Variants in CHRNA7 observed in about 807,000 individuals in gnomAD.
CHRNA7 encodes cholinergic receptor nicotinic alpha 7 subunit, also known as neuronal acetylcholine receptor subunit alpha-7.
A neutral mutation model predicts 48.0 loss-of-function variants in CHRNA7; 17 were observed. The ratio of observed to expected loss-of-function variants is 0.35; its 90% CI spans 0.24 to 0.53. The LOEUF (loss-of-function observed/expected upper bound fraction) is 0.53. Among genes scored for constraint, CHRNA7 ranks in the 20% least tolerant of loss-of-function variants. The pLI, the probability that CHRNA7 is intolerant of heterozygous loss-of-function variation, is 0.92. For missense variants in CHRNA7, 155 were observed against 577.7 expected, an observed-to-expected ratio of 0.27 and a Z score of 7.50; for synonymous variants, 75 against 242.3, an observed-to-expected ratio of 0.31 and a Z score of 6.41.
At chr15:32,107,172 C>G (rs1034661681) in intron 3 of CHRNA7, among the ~76,000 whole-genome samples, 4 of 152,174 alleles carry the variant, frequency 2.6e-5, no homozygotes, top group Non-Finnish European at 5.9e-5. Flanking sequence ...AACCAATTTT[C>G]CACCAGCAAC....
chr15:32,060,934 G>A (rs1437038307), intron 2 of CHRNA7, among the ~76,000 whole-genome samples: 1 of 152,214 alleles, frequency 6.6e-6, no homozygotes, highest in Admixed American at 6.5e-5. Context: ...GCCACAGGAT[G>A]AGCACACCCA....
chr15:32,035,027 G>A (rs949595019), intron 2 of CHRNA7, among the ~76,000 whole-genome samples: 9 of 152,160 alleles, frequency 5.9e-5, no homozygotes, highest in African/African-American at 2.2e-4. Context: ...AGATGTTTTG[G>A]ATATATTGTC....
rs59815429 is a variant in CHRNA7 at position 32,120,074 on chromosome 15, A to C, written c.350+8175A>C. Among the ~76,000 whole-genome samples the C allele has an allele frequency of 7.3e-3, 1,109 of 152,256 alleles. 13 individuals carry two copies. The highest frequency in any genetic ancestry group is 0.025 in the African/African-American group (1,053 of 41,546). On this transcript the variant is annotated intron_variant, in intron 4 of 9. Transcript: ENST00000306901. ...AGTGCCAGCAGATGATAGCCAGGAAATTGTGGCTTTATGCCTTCTTTCTGG... is the reference window on the plus strand; with the variant it reads ...AGTGCCAGCAGATGATAGCCAGGAACTTGTGGCTTTATGCCTTCTTTCTGG...
intron 4 of CHRNA7, among the ~76,000 whole-genome samples, chr15:32,148,129 A>G (rs992767433): frequency 6.6e-6 from 1 of 152,120 alleles, no homozygotes; most frequent in Non-Finnish European, 1.5e-5. Context: ...ATGAGACCTT[A>G]CTATTTAGGG....
intron 2 of CHRNA7, among the ~76,000 whole-genome samples, chr15:32,074,715 C>T (rs1179807656): frequency 6.6e-6 from 1 of 151,480 alleles, no homozygotes; most frequent in Admixed American, 6.6e-5. Context: ...AGTGCAGTGG[C>T]ATGATCTCGG....
chr15:32,152,680 T>C (rs1325012230), intron 4 of CHRNA7, among the ~76,000 whole-genome samples: 2 of 152,148 alleles, frequency 1.3e-5, no homozygotes, highest in Non-Finnish European at 2.9e-5. Context: ...CCTGCAGTGA[T>C]GAGAGCAGGA....
intron 3 of CHRNA7, among the ~76,000 whole-genome samples, chr15:32,108,291 G>A (rs1330279447): frequency 4.6e-5 from 7 of 152,144 alleles, no homozygotes; most frequent in Admixed American, 3.9e-4. Context: ...CTCTTCTTTT[G>A]AAGATTTAAT....
At position 32,137,037 on chromosome 15, in the gene CHRNA7, AAAAAAAAAAG is replaced by A. The variant is rs1388346960; in HGVS notation, c.351-16860_351-16851del. Among the ~76,000 whole-genome samples the A allele has an allele frequency of 4.1e-5, 6 of 146,672 alleles. No individual in the cohort carries two copies. The East Asian group carries it at 9.8e-4, about 24-fold the overall frequency. On this transcript the variant is annotated intron_variant, in intron 4 of 9. Transcript: ENST00000306901. Reference sequence around the variant, plus strand: ...ACAGAGCGAGACTCCGTCTCAAAAAAAAAAAAAAAGAAAAAAAAAAGAAAACAGGAGAAAC... The same window carrying A: ...ACAGAGCGAGACTCCGTCTCAAAAAAAAAAAAAAAAGAAAACAGGAGAAAC...
At chr15:32,038,084 GTACA>G (rs1244396525) in intron 2 of CHRNA7, among the ~76,000 whole-genome samples, 46 of 138,128 alleles carry the variant, frequency 3.3e-4, no homozygotes, top group Middle Eastern at 4.0e-3. Flanking sequence ...ATATACATAT[GTACA>G]TACATTTTGT....
At chr15:32,133,411 C>T (rs1343294945) in intron 4 of CHRNA7, among the ~76,000 whole-genome samples, 1 of 152,130 alleles carries the variant, frequency 6.6e-6, no homozygotes, top group Non-Finnish European at 1.5e-5. Context: ...CCCGTGGAGC[C>T]CAGCTCTCTC....
chr15:32,088,418 A>G (rs1458387003), intron 2 of CHRNA7, among the ~76,000 whole-genome samples: 2 of 152,194 alleles, frequency 1.3e-5, no homozygotes, highest in Non-Finnish European at 2.9e-5. Context: ...TTCTGTAGAT[A>G]TGTGTTTTTG....
At chr15:32,109,220 C>T (rs1002160324) in intron 3 of CHRNA7, among the ~76,000 whole-genome samples, 19 of 152,142 alleles carry the variant, frequency 1.2e-4, no homozygotes, top group African/African-American at 4.3e-4. Flanking sequence ...CTTTTTTAGA[C>T]CATGTAAGGT....
intron 4 of CHRNA7, among the ~76,000 whole-genome samples, chr15:32,124,272 C>A (rs376898269): frequency 2.0e-5 from 3 of 151,944 alleles, no homozygotes; most frequent in Non-Finnish European, 4.4e-5. Context: ...AGATGAAAGA[C>A]AAAATACGTA....
In CHRNA7 at chr15:32,111,999, T is replaced by C. The variant is rs189690056; in HGVS notation, c.350+100T>C. ...TCACAGAGATGCTGGATATGTTATC[T>C]ATGATCTGGGGCCACTGCTCCCTAC... On this transcript the variant is annotated intron_variant, in intron 4 of 9. Coordinates refer to ENST00000306901, the MANE Select transcript of CHRNA7 (RefSeq NM_000746.6). The C allele has an allele frequency of 1.8e-3, 1,501 of 826,588 alleles. 15 individuals are homozygous for C. The highest frequency in any genetic ancestry group is 5.1e-4 in the Non-Finnish European group (247 of 484,070). 51.2% of individuals were successfully genotyped at this position (826,588 alleles called of 1,614,324 possible).
chr15:32,092,121 G>A (rs2050393815), intron 2 of CHRNA7, among the ~76,000 whole-genome samples: 1 of 152,136 alleles, frequency 6.6e-6, no homozygotes, highest in African/African-American at 2.4e-5. Context: ...TGTTTGCTCT[G>A]CAGACACTGT....
At chr15:32,113,989 C>T (rs903487858) in intron 4 of CHRNA7, among the ~76,000 whole-genome samples, 1 of 142,402 alleles carries the variant, frequency 7.0e-6, no homozygotes, top group African/African-American at 2.6e-5. Flanking sequence ...TGCTTGCCAT[C>T]CTGGGTGACA....
chr15:32,092,978 TG>T (rs1225600190), intron 2 of CHRNA7, among the ~76,000 whole-genome samples: 1 of 152,244 alleles, frequency 6.6e-6, no homozygotes. Context: ...AAGGCATTTG[TG>T]GGAGTCTGGC....
At chr15:32,115,611 C>T (rs893815042) in intron 4 of CHRNA7, among the ~76,000 whole-genome samples, 2 of 152,068 alleles carry the variant, frequency 1.3e-5, no homozygotes, top group African/African-American at 2.4e-5. Context: ...GGAATGCCCA[C>T]CCCTTAACTC....
intron 6 of CHRNA7, 131 bp from the exon 7 acceptor site, chr15:32,158,281 A>ACCC (rs1207722520): frequency 4.1e-6 from 3 of 730,338 alleles, no homozygotes; most frequent in South Asian, 2.4e-5. Flanking sequence ...GCTAATTACA[A>ACCC]CCCCCCCCTT....
Sources: allele counts gnomAD v4.1 joint callset (sites outside exome capture counted in the v4.1 genomes callset), GRCh38; gene constraint gnomAD v4.1.1; transcripts MANE v1.5; gene names NCBI Gene and HGNC (gene_info 2026-07-23, HGNC 2026-07-21).